Variants in RARS2 observed in about 807,000 individuals in gnomAD.
RARS2 encodes the protein probable arginine--tRNA ligase, mitochondrial.
Under a neutral mutation model 88.5 loss-of-function variants are expected in RARS2, and 67 were observed. That is an observed-to-expected ratio of 0.76 (90% CI 0.62 to 0.93). The LOEUF is 0.93. RARS2 is among the 40% of genes least tolerant of loss of function. The probability of loss-of-function intolerance (pLI) is 0.00; values close to 1 mark genes in which losing one functional copy is unlikely to be tolerated. For synonymous variants in RARS2, 239 were observed against 230.3 expected (o/e 1.04, Z -0.34); for missense variants, 664 against 684.2 (o/e 0.97, Z 0.33).
intron 8 of RARS2, among the ~76,000 whole-genome samples, chr6:87,536,661 A>C (rs1182527606): frequency 6.6e-6 from 1 of 152,040 alleles, no homozygotes; most frequent in Non-Finnish European, 1.5e-5. Context: ...GAAAGAAAAA[A>C]AAAGAAATTA....
At chr6:87,515,215 T>C (rs1361576817) in intron 18 of RARS2, among the ~76,000 whole-genome samples, 195 bp from the exon 19 acceptor site, 1 of 152,116 alleles carries the variant, frequency 6.6e-6, no homozygotes, top group Non-Finnish European at 1.5e-5. Context: ...TACTAAGAGG[T>C]GGGCAATTCT....
At chr6:87,558,674 T>C (rs1307228276) in intron 4 of RARS2, among the ~76,000 whole-genome samples, 2 of 152,186 alleles carry the variant, frequency 1.3e-5, no homozygotes, top group Admixed American at 6.5e-5. Flanking sequence ...ACTCACATGT[T>C]TGTGGTAACA....
chr6:87,542,391 T>C (rs548374920), intron 7 of RARS2, among the ~76,000 whole-genome samples: 3 of 152,304 alleles, frequency 2.0e-5, no homozygotes, highest in Non-Finnish European at 4.4e-5. Flanking sequence ...ACTCAAAATT[T>C]ATTAAAAAAA....
chr6:87,543,198 G>A (rs1015244627), intron 7 of RARS2, among the ~76,000 whole-genome samples: 1 of 152,070 alleles, frequency 6.6e-6, no homozygotes, highest in Non-Finnish European at 1.5e-5. Context: ...AGCTACCAGG[G>A]AAAGTGAGAC....
chr6:87,521,154 TAA>T (rs1376149113), intron 12 of RARS2, among the ~76,000 whole-genome samples: 1 of 152,162 alleles, frequency 6.6e-6, no homozygotes. Flanking sequence ...TAAAGTTATT[TAA>T]AAACAACTGT....
At chr6:87,528,509 C>T (rs1776476508) in intron 10 of RARS2, among the ~76,000 whole-genome samples, 1 of 152,124 alleles carries the variant, frequency 6.6e-6, no homozygotes, top group Non-Finnish European at 1.5e-5. Flanking sequence ...TGTGAATCAA[C>T]CTTAATAGAT....
At chr6:87,582,450 GTTGTT>G (rs1328466457) in intron 1 of RARS2, among the ~76,000 whole-genome samples, 1 of 152,124 alleles carries the variant, frequency 6.6e-6, no homozygotes, top group Non-Finnish European at 1.5e-5. Flanking sequence ...TTTTAATGGG[GTTGTT>G]TTAAGTTCCT....
rs73752045 is a variant in RARS2 at position 87,587,381 on chromosome 6, G to A, written c.36+2541C>T. Among the ~76,000 whole-genome samples, 1,064 of 152,080 alleles carry A rather than the reference G, an allele frequency of 7.0e-3. 7 individuals are homozygous for A. The highest frequency in any genetic ancestry group is 0.025 in the African/African-American group (1,023 of 41,452). On this transcript the variant is annotated intron_variant, in intron 1 of 19. Transcript: ENST00000369536. Reference sequence around the variant, plus strand: ...TGCTCTTTTTTCCCCATGTCCTAACGTATTGAAAATATTATTATTTATCCT... The same window carrying A: ...TGCTCTTTTTTCCCCATGTCCTAACATATTGAAAATATTATTATTTATCCT...
chr6:87,576,820 G>C (rs957487476), intron 1 of RARS2, among the ~76,000 whole-genome samples: 3 of 152,010 alleles, frequency 2.0e-5, no homozygotes, highest in Admixed American at 2.0e-4. Flanking sequence ...GATGTATGCT[G>C]GATAAGTTGC....
intron 7 of RARS2, among the ~76,000 whole-genome samples, chr6:87,543,284 C>A (rs1363159484): frequency 2.6e-5 from 4 of 151,852 alleles, no homozygotes; most frequent in African/African-American, 9.7e-5. Flanking sequence ...GCCTGGGCAA[C>A]AAGAGCAAAC....
chr6:87,561,284 GAT>G (rs1787780660), intron 4 of RARS2, among the ~76,000 whole-genome samples: 3 of 152,108 alleles, frequency 2.0e-5, no homozygotes, highest in African/African-American at 7.2e-5. Context: ...TGTTTTATGT[GAT>G]TTTGTTCCCA....
At position 87,562,800 on chromosome 6, in the gene RARS2, T is replaced by C; in HGVS notation, c.214-15A>G. On this transcript the variant is annotated splice_polypyrimidine_tract_variant and intron_variant, in intron 3 of 19. Coordinates refer to ENST00000369536, the MANE Select transcript of RARS2 (RefSeq NM_020320.5). ...TCACATCTTAGCTGAAAAGAACAAA[T>C]CACACAAAGTAGGTATGTTATATAA... The C allele has an allele frequency of 6.3e-7, 1 of 1,593,500 alleles. No individual in the cohort carries two copies. Among genetic ancestry groups the C allele is most frequent in the Non-Finnish European group, 8.6e-7 (1 of 1,161,268 alleles).
chr6:87,523,521 AAGAG>A (rs965414424), intron 11 of RARS2, among the ~76,000 whole-genome samples: 4 of 152,230 alleles, frequency 2.6e-5, no homozygotes, highest in Non-Finnish European at 4.4e-5. Flanking sequence ...TCAAAGAAAA[AAGAG>A]AAAGTACAGG....
At chr6:87,563,973 T>TTATAG (rs1470735083) in intron 3 of RARS2, among the ~76,000 whole-genome samples, 157 bp downstream of exon 3, 2 of 152,338 alleles carry the variant, frequency 1.3e-5, no homozygotes, top group South Asian at 2.1e-4. Flanking sequence ...CATTATAACC[T>TTATAG]TATAGTACAT....
intron 18 of RARS2, 132 bp downstream of exon 18, chr6:87,516,673 AG>A: frequency 7.8e-7 from 1 of 1,278,690 alleles, no homozygotes; most frequent in Non-Finnish European, 1.1e-6. Context: ...TAATTTGTAT[AG>A]ATGAAGCAAT....
intron 4 of RARS2, among the ~76,000 whole-genome samples, chr6:87,558,235 G>C (rs974080111): frequency 5.3e-5 from 8 of 151,090 alleles, no homozygotes; most frequent in Non-Finnish European, 1.5e-5. Flanking sequence ...TATTGCTACA[G>C]ACTGGATATG....
In RARS2 at chr6:87,520,109, C is replaced by G. The variant is rs1408263278; in HGVS notation, c.1112+71G>C. 1.0e-5 allele frequency: 13 copies of G among 1,286,686 alleles called. No individual in the cohort carries two copies. In the East Asian group the frequency reaches 3.0e-4, roughly 30 times the overall value. The allele number at this position is 1,286,686 out of a possible 1,614,324, so 79.7% of individuals were successfully genotyped here. ...AAAGAATTGAAATCTGAGTGAAAAACTTTAACCACTAGGTACATTTTCAGG... is the reference window on the plus strand; with the variant it reads ...AAAGAATTGAAATCTGAGTGAAAAAGTTTAACCACTAGGTACATTTTCAGG... On this transcript the variant is annotated intron_variant, in intron 13 of 19. Coordinates refer to ENST00000369536, the MANE Select transcript of RARS2 (RefSeq NM_020320.5).
chr6:87,564,170 C>A lies in RARS2; in HGVS notation c.173G>T (p.Arg58Ile), dbSNP rs1290860895. The A allele has an allele frequency of 6.2e-7, 1 of 1,613,546 alleles. No individual in the cohort carries two copies. The highest frequency in any genetic ancestry group is 8.5e-7 in the Non-Finnish European group (1 of 1,179,678). The change falls in exon 3 of 20, where the codon AGA becomes ATA. Residue 58 changes from arginine (R) to isoleucine (I), a missense_variant. Physicochemically the swap from Arg to Ile is moderately conservative, Grantham distance 97. Coordinates refer to ENST00000369536, the MANE Select transcript of RARS2 (RefSeq NM_020320.5). ...CTTGGCTTGAACTTGAATATCTGGT[C>A]TTGAATGGTCATTGTCTTTTTCCAA... ...SLLEKDNDHS[R>I]PDIQVQAKRL...
chr6:87,586,390 TCTCA>T (rs1775166661), intron 1 of RARS2, among the ~76,000 whole-genome samples: 1 of 152,134 alleles, frequency 6.6e-6, no homozygotes, highest in Non-Finnish European at 1.5e-5. Flanking sequence ...CTCCCCAAGC[TCTCA>T]CTCTATTTAC....
Sources: gnomAD v4.1 joint callset for allele counts (sites outside exome capture counted in the v4.1 genomes callset) on GRCh38, gnomAD v4.1.1 for gene constraint, MANE v1.5 for transcripts, NCBI Gene and HGNC (gene_info 2026-07-23, HGNC 2026-07-21) for gene names.